The following KMT2C variants were observed in gnomAD, a reference collection of about 807,000 sequenced individuals.
KMT2C encodes histone-lysine N-methyltransferase 2C.
A neutral mutation model predicts 507.9 loss-of-function variants in KMT2C; 88 were observed. The ratio of observed to expected loss-of-function variants is 0.17; its 90% confidence interval spans 0.15 to 0.21. The LOEUF is 0.21. Among genes scored for constraint, KMT2C ranks in the 10% least tolerant of loss-of-function variants. The pLI, the probability that KMT2C is intolerant of heterozygous loss-of-function variation, is 1.00. For synonymous variants in KMT2C, 2,049 were observed against 2,080.8 expected (o/e 0.98, Z 0.42); for missense variants, 4,954 against 5,957.8 (o/e 0.83, Z 5.55).
chr7:152,406,842 T>G (rs1023983588), intron 1 of KMT2C, among the ~76,000 whole-genome samples: 202 of 143,170 alleles, frequency 1.4e-3, no homozygotes, highest in African/African-American at 5.2e-3. Flanking sequence ...ATTTTTTGGT[T>G]TTTTTTTTCT....
chr7:152,297,055 C>CAGAGAGAGAGAG (rs769381866), intron 6 of KMT2C, among the ~76,000 whole-genome samples: 120 of 84,380 alleles, frequency 1.4e-3, no homozygotes, highest in Middle Eastern at 6.0e-3. Flanking sequence ...GAAAGAAAGA[C>CAGAGAGAGAGAG]AGAGAGAGAG....
intron 2 of KMT2C, among the ~76,000 whole-genome samples, chr7:152,357,092 G>A (rs2097158406): frequency 6.6e-6 from 1 of 151,708 alleles, no homozygotes; most frequent in Non-Finnish European, 1.5e-5. Flanking sequence ...CAGGCATGGT[G>A]GCGCATGTCT....
intron 23 of KMT2C, among the ~76,000 whole-genome samples, chr7:152,207,640 C>G (rs1334081302): frequency 1.3e-5 from 2 of 152,054 alleles, no homozygotes; most frequent in Non-Finnish European, 2.9e-5. Context: ...AAAACATAAT[C>G]AGAGAAGGGG....
rs1299533324 is a variant in KMT2C, at chr7:152,196,427, G to A, written c.4274-416C>T. ...TGTCACTCTTTAGAAATTCCATATG[G>A]AGCACAAGCCAGAAATTCCATATGG... On this transcript the variant is annotated intron_variant, in intron 27 of 58. Coordinates refer to ENST00000262189, the MANE Select transcript of KMT2C (RefSeq NM_170606.3). Among the ~76,000 whole-genome samples the A allele has an allele frequency of 3.5e-5, 5 of 143,724 alleles. No individual in the cohort carries two copies. The South Asian group carries it at 8.3e-4, about 24-fold the overall frequency. The allele number at this position is 143,724 out of a possible 152,430, so 94.3% of individuals were successfully genotyped here.
At chr7:152,290,294 A>ATAT (rs1563743352) in intron 6 of KMT2C, among the ~76,000 whole-genome samples, 9 of 21,418 alleles carry the variant, frequency 4.2e-4, no homozygotes, top group Non-Finnish European at 6.9e-4. Flanking sequence ...ATATATATAT[A>ATAT]TTTTTTTTTT....
chr7:152,164,118 C>G (rs1309604490), intron 42 of KMT2C, among the ~76,000 whole-genome samples: 1 of 152,056 alleles, frequency 6.6e-6, no homozygotes, highest in Non-Finnish European at 1.5e-5. Flanking sequence ...TGGTGAAACT[C>G]ATATATACTA....
intron 55 of KMT2C, among the ~76,000 whole-genome samples, chr7:152,141,248 T>A (rs2090498156): frequency 6.6e-6 from 1 of 151,090 alleles, no homozygotes; most frequent in South Asian, 2.1e-4. Flanking sequence ...GGCTGAGGCA[T>A]GAGAATCGCT....
At chr7:152,301,517 A>AAAAAG (rs1000870509) in intron 6 of KMT2C, among the ~76,000 whole-genome samples, 9 of 151,840 alleles carry the variant, frequency 5.9e-5, no homozygotes, top group African/African-American at 1.2e-4. Context: ...CAAAAAAATA[A>AAAAAG]AAAAGAAAAG....
chr7:152,279,810 T>A (rs1052554170), intron 6 of KMT2C, among the ~76,000 whole-genome samples: 2 of 152,152 alleles, frequency 1.3e-5, no homozygotes, highest in African/African-American at 4.8e-5. Flanking sequence ...GCCACAGTAA[T>A]CTTTCTGAAG....
intron 1 of KMT2C, among the ~76,000 whole-genome samples, chr7:152,430,738 TG>T (rs1564233978): frequency 6.6e-6 from 1 of 152,222 alleles, no homozygotes; most frequent in Non-Finnish European, 1.5e-5. Context: ...TTGCCCAGGC[TG>T]GTCTCAAACT....
intron 1 of KMT2C, among the ~76,000 whole-genome samples, chr7:152,386,533 G>C (rs1232975377): frequency 6.6e-6 from 1 of 152,310 alleles, no homozygotes; most frequent in Non-Finnish European, 1.5e-5. Flanking sequence ...GACTGGTCTG[G>C]ACAATGAAAT....
chr7:152,390,879 G>A (rs569054290), intron 1 of KMT2C, among the ~76,000 whole-genome samples: 17 of 152,204 alleles, frequency 1.1e-4, no homozygotes, highest in African/African-American at 4.1e-4. Flanking sequence ...AGGAGCAACG[G>A]CTCACGCCTG....
intron 52 of KMT2C, among the ~76,000 whole-genome samples, chr7:152,147,380 A>C (rs1365031179): frequency 6.6e-6 from 1 of 152,036 alleles, no homozygotes; most frequent in African/African-American, 2.4e-5. Context: ...CTAGAAACTG[A>C]CTTTAAGAAA....
intron 7 of KMT2C, among the ~76,000 whole-genome samples, chr7:152,266,820 C>T (rs56256420): frequency 0.01 from 1,579 of 151,696 alleles, no homozygotes; most frequent in African/African-American, 0.037. Flanking sequence ...CAAAAACAGG[C>T]TTCAAAATGT....
intron 6 of KMT2C, among the ~76,000 whole-genome samples, chr7:152,297,060 AGAG>A (rs2096519336): frequency 5.1e-5 from 5 of 97,590 alleles, no homozygotes; most frequent in African/African-American, 2.6e-4. Flanking sequence ...AAAGACAGAG[AGAG>A]AGAGAGAGAG....
At chr7:152,178,985 T>TTTA (rs199606143) in intron 37 of KMT2C, among the ~76,000 whole-genome samples, 1 of 152,194 alleles carries the variant, frequency 6.6e-6, no homozygotes, top group East Asian at 1.9e-4. Flanking sequence ...ATCTCTAAAA[T>TTTA]TTATTATTAT....
intron 7 of KMT2C, among the ~76,000 whole-genome samples, chr7:152,267,252 C>T (rs1396024270): frequency 6.6e-6 from 1 of 152,226 alleles, no homozygotes; most frequent in Non-Finnish European, 1.5e-5. Flanking sequence ...CCCTAGAATT[C>T]TTTCATAAAC....
At chr7:152,282,759 T>G (rs1030582375) in intron 6 of KMT2C, among the ~76,000 whole-genome samples, 1 of 151,828 alleles carries the variant, frequency 6.6e-6, no homozygotes, top group Non-Finnish European at 1.5e-5. Flanking sequence ...GATTTTAGTA[T>G]ATACGTTCTA....
chr7:152,322,148 G>C (rs1385326216), intron 3 of KMT2C, among the ~76,000 whole-genome samples: 1 of 151,400 alleles, frequency 6.6e-6, no homozygotes, highest in East Asian at 1.9e-4. Flanking sequence ...CAGACTGCTT[G>C]AGCCCAGAGT....
Sources: allele counts gnomAD v4.1 joint callset (sites outside exome capture counted in the v4.1 genomes callset), GRCh38; gene constraint gnomAD v4.1.1; transcripts MANE v1.5; gene names NCBI Gene and HGNC (gene_info 2026-07-23, HGNC 2026-07-21).